The following GRAMD2B variants were observed in gnomAD, a reference collection of about 807,000 sequenced individuals.
GRAMD2B encodes GRAM domain-containing protein 2B.
In GRAMD2B, 41 loss-of-function variants were observed where a neutral mutation model predicts 59.2. The observed-to-expected ratio is 0.69, with a 90% CI of 0.54 to 0.90. GRAMD2B has a LOEUF of 0.90. Ranked by LOEUF, GRAMD2B falls within the 40% of genes least tolerant of loss-of-function variation. The pLI, the probability that GRAMD2B is intolerant of heterozygous loss-of-function variation, is 0.00. For synonymous variants in GRAMD2B, 161 were observed against 182.7 expected (o/e 0.88, Z 0.96); for missense variants, 424 against 500.5 (o/e 0.85, Z 1.46).
chr5:126,380,672 G>A (rs544980627), intron 1 of GRAMD2B, among the ~76,000 whole-genome samples: 206 of 152,236 alleles, frequency 1.4e-3, no homozygotes, highest in African/African-American at 4.9e-3. Flanking sequence ...ATTGTAAAAG[G>A]GGTTGAGTTA....
chr5:126,386,881 G>A (rs183955855), intron 1 of GRAMD2B, among the ~76,000 whole-genome samples: 2 of 152,146 alleles, frequency 1.3e-5, no homozygotes, highest in Non-Finnish European at 2.9e-5. Flanking sequence ...TAGGTGAATT[G>A]TCACTGTAAA....
chr5:126,488,461 G>A (rs966657310), intron 12 of GRAMD2B, among the ~76,000 whole-genome samples: 5 of 152,196 alleles, frequency 3.3e-5, no homozygotes, highest in Non-Finnish European at 5.9e-5. Flanking sequence ...TTATGCTCTG[G>A]TGGAGACAGA....
intron 1 of GRAMD2B, among the ~76,000 whole-genome samples, chr5:126,382,244 A>G (rs114389219): frequency 0.011 from 1,687 of 152,344 alleles, 19 homozygotes; most frequent in Non-Finnish European, 0.019. Flanking sequence ...GCCTCTAGCA[A>G]GGCCAGGAAA....
chr5:126,373,631 T>A (rs952275774), intron 1 of GRAMD2B, among the ~76,000 whole-genome samples: 1 of 152,198 alleles, frequency 6.6e-6, no homozygotes, highest in Non-Finnish European at 1.5e-5. Flanking sequence ...AAAAAATGAA[T>A]GAATGCATAT....
intron 1 of GRAMD2B, among the ~76,000 whole-genome samples, chr5:126,426,036 C>T (rs1447760706): frequency 2.0e-5 from 3 of 151,966 alleles, no homozygotes; most frequent in African/African-American, 7.3e-5. Context: ...GATAGGTAAG[C>T]AAGACCATAG....
intron 2 of GRAMD2B, chr5:126,466,220 G>T: frequency 6.5e-7 from 1 of 1,542,090 alleles, no homozygotes. Context: ...TTTGAGAACT[G>T]CTACCTTCTA....
chr5:126,448,418 G>C (rs1263557856), intron 1 of GRAMD2B, among the ~76,000 whole-genome samples: 1 of 152,032 alleles, frequency 6.6e-6, no homozygotes, highest in Admixed American at 6.5e-5. Flanking sequence ...AAGCCAGAAA[G>C]GGAGGCTTCA....
At chr5:126,467,687 CA>C (rs1768711652) in intron 2 of GRAMD2B, 1 of 152,082 alleles carries the variant, frequency 6.6e-6, no homozygotes, top group African/African-American at 2.4e-5. Flanking sequence ...ATTTTATTTT[CA>C]AATAGAGAAC....
At chr5:126,413,369 T>C (rs781028610) in intron 1 of GRAMD2B, among the ~76,000 whole-genome samples, 27 of 152,180 alleles carry the variant, frequency 1.8e-4, no homozygotes, top group Non-Finnish European at 2.9e-4. Context: ...TATCCAAAAG[T>C]AATTCAGAAG....
At chr5:126,403,313 A>G (rs553329225) in intron 1 of GRAMD2B, among the ~76,000 whole-genome samples, 1 of 152,142 alleles carries the variant, frequency 6.6e-6, no homozygotes, top group East Asian at 1.9e-4. Context: ...TGATAAACTC[A>G]TTTTATGAGC....
At chr5:126,436,005 A>C (rs1762350826) in intron 1 of GRAMD2B, among the ~76,000 whole-genome samples, 3 of 152,234 alleles carry the variant, frequency 2.0e-5, no homozygotes, top group Admixed American at 1.3e-4. Context: ...ATGGGGTAAC[A>C]TAATTTAAAC....
intron 1 of GRAMD2B, among the ~76,000 whole-genome samples, chr5:126,447,946 G>A (rs1381654937): frequency 1.3e-5 from 2 of 151,090 alleles, no homozygotes; most frequent in South Asian, 2.1e-4. Context: ...TGCAACCTCC[G>A]CCTCCCAGGT....
At chr5:126,401,959 A>G (rs768560149) in intron 1 of GRAMD2B, among the ~76,000 whole-genome samples, 88 of 152,174 alleles carry the variant, frequency 5.8e-4, no homozygotes, top group Non-Finnish European at 4.0e-4. Flanking sequence ...GACACAGCAA[A>G]TTGGAAAGTG....
intron 1 of GRAMD2B, among the ~76,000 whole-genome samples, chr5:126,456,647 C>T (rs1766331063): frequency 6.6e-6 from 1 of 152,160 alleles, no homozygotes; most frequent in Non-Finnish European, 1.5e-5. Flanking sequence ...AGAATCAACT[C>T]CCTTATACTA....
intron 1 of GRAMD2B, among the ~76,000 whole-genome samples, chr5:126,429,434 C>G (rs1284405441): frequency 2.0e-5 from 3 of 152,020 alleles, no homozygotes; most frequent in African/African-American, 7.2e-5. Context: ...CTAATGGGTA[C>G]TAGGTTTAAT....
At chr5:126,429,215 G>A (rs1761141494) in intron 1 of GRAMD2B, among the ~76,000 whole-genome samples, 1 of 152,090 alleles carries the variant, frequency 6.6e-6, no homozygotes, top group African/African-American at 2.4e-5. Context: ...CCATAAAAAC[G>A]AGATCACATC....
chr5:126,439,668 A>G (rs1428523861), intron 1 of GRAMD2B, among the ~76,000 whole-genome samples: 6 of 152,190 alleles, frequency 3.9e-5, no homozygotes. Context: ...AAAAGCAATT[A>G]GAAATAGTAG....
At position 126,382,171 on chromosome 5, in the gene GRAMD2B, C is replaced by T. The variant is rs926694810; in HGVS notation, c.125+10604C>T. Among the ~76,000 whole-genome samples, 5 of 152,186 alleles carry T rather than the reference C, an allele frequency of 3.3e-5. No individual in the cohort carries two copies. The South Asian group carries it at 8.3e-4, about 25-fold the overall frequency. ...ATAATCTGATGACTATGTGCCTAGT[C>T]GATTATCTTTTTGTGATGAATTTCC... On this transcript the variant is annotated intron_variant, in intron 1 of 8. Transcript: ENST00000506445.
chr5:126,432,264 G>A (rs1404526721), intron 1 of GRAMD2B, among the ~76,000 whole-genome samples: 1 of 152,112 alleles, frequency 6.6e-6, no homozygotes, highest in Non-Finnish European at 1.5e-5. Context: ...ACATGTTGGT[G>A]TTTTCTTAAA....
Sources: allele counts gnomAD v4.1 joint callset (sites outside exome capture counted in the v4.1 genomes callset), GRCh38; gene constraint gnomAD v4.1.1; transcripts MANE v1.5; gene names NCBI Gene and HGNC (gene_info 2026-07-23, HGNC 2026-07-21).